The following SCLT1 variants were observed in gnomAD, a reference collection of about 807,000 sequenced individuals.
The protein encoded by SCLT1 is sodium channel-associated protein 1.
SCLT1 carries 78 observed loss-of-function variants against 112.8 expected under a neutral mutation model. That is an observed-to-expected ratio of 0.69 (90% CI 0.58 to 0.83). SCLT1 has a LOEUF of 0.83. Ranked by LOEUF, SCLT1 falls within the 40% of genes least tolerant of loss-of-function variation. SCLT1 has a pLI of 0.00. For synonymous variants in SCLT1, 257 were observed against 254.7 expected, an observed-to-expected ratio of 1.01 and a Z score of -0.09; for missense variants, 747 against 770.4, an observed-to-expected ratio of 0.97 and a Z score of 0.36.
At chr4:128,937,173 G>A (rs1427568882) in intron 17 of SCLT1, among the ~76,000 whole-genome samples, 3 of 151,904 alleles carry the variant, frequency 2.0e-5, no homozygotes, top group African/African-American at 7.3e-5. Context: ...AGCTACTCAG[G>A]AGGCCGAGGC....
chr4:128,944,318 A>G (rs1031229119), intron 16 of SCLT1, among the ~76,000 whole-genome samples: 1 of 152,176 alleles, frequency 6.6e-6, no homozygotes, highest in Non-Finnish European at 1.5e-5. Context: ...ATCAGAAACA[A>G]CCACAGATTG....
At chr4:128,873,281 GAAAAA>G (rs1281020527) in intron 5 of SCLT1, 2 of 105,638 alleles carry the variant, frequency 1.9e-5, no homozygotes, top group African/African-American at 3.6e-5. Flanking sequence ...AAGAAAAAAA[GAAAAA>G]AAAAAGAAAA....
intron 5 of SCLT1, among the ~76,000 whole-genome samples, chr4:129,008,895 A>G (rs774921491): frequency 2.0e-5 from 3 of 152,174 alleles, no homozygotes; most frequent in Non-Finnish European, 4.4e-5. Flanking sequence ...GCTCCCACTT[A>G]TAAGTGAGAA....
At chr4:128,992,316 G>T in intron 8 of SCLT1, 79 bp from the exon 9 acceptor site, 2 of 890,966 alleles carry the variant, frequency 2.2e-6, no homozygotes, top group Non-Finnish European at 3.4e-6. Context: ...AGACATACAA[G>T]TAGAAAAAAA....
intron 5 of SCLT1, among the ~76,000 whole-genome samples, chr4:129,017,638 T>G (rs1389325792): frequency 6.6e-6 from 1 of 152,154 alleles, no homozygotes; most frequent in Non-Finnish European, 1.5e-5. Flanking sequence ...GTAAGACAAT[T>G]TTGGTTCCAG....
intron 4 of SCLT1, among the ~76,000 whole-genome samples, chr4:129,040,565 C>G (rs1295066066): frequency 1.3e-5 from 2 of 152,120 alleles, no homozygotes; most frequent in African/African-American, 4.8e-5. Context: ...CTAGCTAAGA[C>G]TAAAGATGGA....
chr4:128,875,887 T>TTGA (rs1732507619), intron 4 of SCLT1, among the ~76,000 whole-genome samples: 1 of 152,188 alleles, frequency 6.6e-6, no homozygotes, highest in Non-Finnish European at 1.5e-5. Context: ...ATGCTTTCTT[T>TTGA]TGATCACAGA....
intron 8 of SCLT1, among the ~76,000 whole-genome samples, chr4:128,995,121 C>T (rs1363005811): frequency 6.6e-6 from 1 of 152,054 alleles, no homozygotes; most frequent in Non-Finnish European, 1.5e-5. Flanking sequence ...GGAGATTTTC[C>T]CCTAGGTTTT....
At chr4:129,063,583 G>A (rs1223320050) in intron 2 of SCLT1, among the ~76,000 whole-genome samples, 1 of 152,196 alleles carries the variant, frequency 6.6e-6, no homozygotes, top group African/African-American at 2.4e-5. Flanking sequence ...GGGAAGGAGG[G>A]CAGTAATGCA....
chr4:129,001,813 C>T (rs1345619439), intron 6 of SCLT1, among the ~76,000 whole-genome samples: 1 of 151,912 alleles, frequency 6.6e-6, no homozygotes, highest in African/African-American at 2.4e-5. Context: ...GTGAGTCTTG[C>T]TGTTCAATAA....
At chr4:128,901,684 A>T (rs933064500) in intron 18 of SCLT1, among the ~76,000 whole-genome samples, 8 of 150,978 alleles carry the variant, frequency 5.3e-5, no homozygotes, top group Non-Finnish European at 7.4e-5. Context: ...AAAAAAAATT[A>T]AAAAAAAAGA....
At chr4:128,997,784 G>A (rs1743135448) in intron 8 of SCLT1, 90 bp downstream of exon 8, 1 of 595,840 alleles carries the variant, frequency 1.7e-6, no homozygotes, top group Middle Eastern at 4.7e-4. Context: ...CTAATTTCGT[G>A]CAGCATGCTT....
intron 1 of SCLT1, among the ~76,000 whole-genome samples, chr4:129,092,495 T>C (rs1579994343): frequency 1.3e-5 from 2 of 152,378 alleles, no homozygotes; most frequent in South Asian, 4.1e-4. Context: ...TAACACAATG[T>C]ATCAGATACT....
At chr4:128,960,897 G>A (rs1739650707) in intron 11 of SCLT1, among the ~76,000 whole-genome samples, 2 of 119,984 alleles carry the variant, frequency 1.7e-5, no homozygotes, top group South Asian at 2.7e-4. Context: ...TCCGCAGTCC[G>A]GCCTGGGCGA....
chr4:129,028,325 A>G (rs1440257517), intron 5 of SCLT1, among the ~76,000 whole-genome samples: 1 of 152,078 alleles, frequency 6.6e-6, no homozygotes, highest in South Asian at 2.1e-4. Context: ...GTACCAAAAC[A>G]GAGATATAGA....
At chr4:128,894,363 A>AACACACACAC (rs10522940) in intron 18 of SCLT1, among the ~76,000 whole-genome samples, 5 of 143,016 alleles carry the variant, frequency 3.5e-5, no homozygotes, top group African/African-American at 1.3e-4. Context: ...TTGAGTAAGT[A>AACACACACAC]ACACACACAC....
At chr4:128,999,625 T>C in intron 7 of SCLT1, 47 bp downstream of exon 7, 1 of 1,489,786 alleles carries the variant, frequency 6.7e-7, no homozygotes, top group Non-Finnish European at 9.3e-7. Flanking sequence ...TTCTTCAGAG[T>C]GCAATTTCTT....
At chr4:128,988,211 G>A (rs1375155988) in intron 9 of SCLT1, among the ~76,000 whole-genome samples, 1 of 152,026 alleles carries the variant, frequency 6.6e-6, no homozygotes, top group African/African-American at 2.4e-5. Context: ...TAATGGTGGT[G>A]TATAAACCAC....
At chr4:128,986,147 G>A (rs1742072710) in intron 9 of SCLT1, among the ~76,000 whole-genome samples, 1 of 152,100 alleles carries the variant, frequency 6.6e-6, no homozygotes, top group Non-Finnish European at 1.5e-5. Flanking sequence ...GTGCAGAGTG[G>A]ACAGATAATT....
Sources: allele counts gnomAD v4.1 joint callset (sites outside exome capture counted in the v4.1 genomes callset), GRCh38; gene constraint gnomAD v4.1.1; transcripts MANE v1.5; gene names NCBI Gene and HGNC (gene_info 2026-07-23, HGNC 2026-07-21).